TENM2: variants seen among roughly 807,000 people sequenced by gnomAD.
TENM2 encodes the protein teneurin-2.
Under a neutral mutation model 245.2 loss-of-function variants are expected in TENM2, and 52 were observed. That is an observed-to-expected ratio of 0.21 (90% CI 0.17 to 0.27). The LOEUF (loss-of-function observed/expected upper bound fraction) is 0.27. Ranked by LOEUF, TENM2 falls within the 10% of genes least tolerant of loss-of-function variation. The pLI, the probability that TENM2 is intolerant of heterozygous loss-of-function variation, is 1.00. For missense variants in TENM2, 3,046 were observed against 3,666.8 expected (o/e 0.83, Z 4.37); for synonymous variants, 1,363 against 1,438.9 (o/e 0.95, Z 1.19).
chr5:167,196,674 A>G, the TENM2 span, among the ~76,000 whole-genome samples: 7,743 of 151,774 alleles, frequency 0.051, 276 homozygotes, highest in Non-Finnish European at 0.085. Flanking sequence ...TCAACCAACT[A>G]TGGACTGAAA....
chr5:168,090,590 G>A (rs780826278), exon 8 of TENM2: 9 of 1,612,888 alleles, frequency 5.6e-6, no homozygotes, highest in Admixed American at 3.3e-5. Context: ...TTCATGGAAC[G>A]TCTGGACGGG....
At chr5:167,769,497 T>C (rs1465124634) in intron 2 of TENM2, among the ~76,000 whole-genome samples, 3 of 152,168 alleles carry the variant, frequency 2.0e-5, no homozygotes, top group Non-Finnish European at 2.9e-5. Context: ...TAAACTACCT[T>C]ACCTGGCTTA....
chr5:167,463,891 CT>C (rs1766482868), intron 2 of TENM2, among the ~76,000 whole-genome samples: 2 of 152,110 alleles, frequency 1.3e-5, no homozygotes, highest in Non-Finnish European at 2.9e-5. Context: ...AGAAGGTTTC[CT>C]TTCATAGAAG....
At chr5:167,682,653 T>G (rs1756810434) in intron 2 of TENM2, among the ~76,000 whole-genome samples, 1 of 152,140 alleles carries the variant, frequency 6.6e-6, no homozygotes, top group Admixed American at 6.6e-5. Flanking sequence ...TGTTAACCGT[T>G]CGTATTTATA....
chr5:167,709,615 A>G (rs1758772138), intron 2 of TENM2, among the ~76,000 whole-genome samples: 1 of 152,240 alleles, frequency 6.6e-6, no homozygotes, highest in Non-Finnish European at 1.5e-5. Flanking sequence ...CATTTAGGAC[A>G]GGTTCTCTGT....
intron 2 of TENM2, among the ~76,000 whole-genome samples, chr5:167,716,444 G>A (rs1759262932): frequency 6.6e-6 from 1 of 152,164 alleles, no homozygotes; most frequent in African/African-American, 2.4e-5. Flanking sequence ...GTGGGTTCAT[G>A]TCAGTTAGAA....
chr5:168,098,023 C>A lies in TENM2; in HGVS notation c.1712-3C>A. The stretch of plus-strand genomic sequence containing the variant: ...GTAAACACTACATTTATCTCTTTTT[C>A]AGATTCAGTGCAGGACTGTCCACGT... On this transcript the variant is annotated splice_region_variant and splice_polypyrimidine_tract_variant and intron_variant, in intron 8 of 28. Coordinates refer to ENST00000518659, the Ensembl canonical transcript of TENM2. 6.2e-7 allele frequency: 1 copy of A among 1,607,920 alleles called. No individual in the cohort carries two copies. Among genetic ancestry groups the A allele is most frequent in the Non-Finnish European group, 8.5e-7 (1 of 1,175,326 alleles).
At chr5:167,781,047 A>G (rs1485890523) in intron 2 of TENM2, among the ~76,000 whole-genome samples, 1 of 152,194 alleles carries the variant, frequency 6.6e-6, no homozygotes, top group Non-Finnish European at 1.5e-5. Context: ...GCGGTGGCTC[A>G]CGCTTGTAAT....
intron 2 of TENM2, among the ~76,000 whole-genome samples, chr5:167,496,648 GATGTTATTGCTATTT>G (rs1003041756): frequency 6.6e-6 from 1 of 152,084 alleles, no homozygotes; most frequent in Non-Finnish European, 1.5e-5. Context: ...TCAATTGAGA[GATGTTATTGCTATTT>G]ATTAATTGCT....
At chr5:167,743,706 G>T (rs1423635951) in intron 2 of TENM2, among the ~76,000 whole-genome samples, 1 of 152,094 alleles carries the variant, frequency 6.6e-6, no homozygotes, top group Non-Finnish European at 1.5e-5. Flanking sequence ...CAAGACAAAA[G>T]AGTAATAAAG....
intron 2 of TENM2, among the ~76,000 whole-genome samples, chr5:167,405,438 C>A (rs1173999594): frequency 6.6e-6 from 1 of 151,874 alleles, no homozygotes; most frequent in Non-Finnish European, 1.5e-5. Flanking sequence ...TGCCCCTTGG[C>A]CCAATGTGAG....
intron 7 of TENM2, among the ~76,000 whole-genome samples, chr5:168,079,664 C>T (rs1230921717): frequency 1.3e-5 from 2 of 152,086 alleles, no homozygotes; most frequent in Non-Finnish European, 2.9e-5. Context: ...TGTCAAAGGC[C>T]TTTTCTGCAT....
intron 19 of TENM2, among the ~76,000 whole-genome samples, chr5:168,207,103 C>T (rs1762408635): frequency 6.6e-6 from 1 of 152,202 alleles, no homozygotes; most frequent in Non-Finnish European, 1.5e-5. Flanking sequence ...CCCTCTGATC[C>T]TCCATTAGAG....
chr5:167,217,003 G>A, the TENM2 span, among the ~76,000 whole-genome samples: 3 of 151,632 alleles, frequency 2.0e-5, no homozygotes, highest in African/African-American at 7.3e-5. Flanking sequence ...CATATAATTT[G>A]TTTTATCTGA....
chr5:167,318,836 T>G (rs1756539895), intron 1 of TENM2, among the ~76,000 whole-genome samples: 1 of 152,190 alleles, frequency 6.6e-6, no homozygotes, highest in Non-Finnish European at 1.5e-5. Flanking sequence ...TCTGTGCATG[T>G]GAGACTTATT....
intron 2 of TENM2, among the ~76,000 whole-genome samples, chr5:167,452,929 A>ATT (rs371899017): frequency 0.12 from 8,061 of 66,940 alleles, 971 homozygotes; most frequent in African/African-American, 0.3. Flanking sequence ...TTAAAGTATG[A>ATT]TTTATATATA....
intron 2 of TENM2, among the ~76,000 whole-genome samples, chr5:167,835,200 C>T (rs903302801): frequency 5.9e-5 from 9 of 152,186 alleles, no homozygotes; most frequent in African/African-American, 1.9e-4. Context: ...GAAGCATCTA[C>T]TTAGAGAAGG....
chr5:168,139,688 A>T (rs1755362679), intron 12 of TENM2, among the ~76,000 whole-genome samples: 2 of 152,170 alleles, frequency 1.3e-5, no homozygotes. Context: ...TCAAATTCCC[A>T]TACATGGGGT....
intron 2 of TENM2, among the ~76,000 whole-genome samples, chr5:167,403,755 A>C (rs577030485): frequency 6.6e-6 from 1 of 152,220 alleles, no homozygotes; most frequent in East Asian, 1.9e-4. Context: ...ACTATGTGAT[A>C]AATTATTCTG....
Sources: allele counts gnomAD v4.1 joint callset (sites outside exome capture counted in the v4.1 genomes callset), GRCh38; gene constraint gnomAD v4.1.1; transcripts MANE v1.5; gene names NCBI Gene and HGNC (gene_info 2026-07-23, HGNC 2026-07-21).